The following HNRNPLL variants were observed in gnomAD, a reference collection of about 807,000 sequenced individuals.
HNRNPLL encodes heterogeneous nuclear ribonucleoprotein L-like.
A neutral mutation model predicts 67.1 loss-of-function variants in HNRNPLL; 25 were observed. That is an observed-to-expected ratio of 0.37 (90% CI 0.27 to 0.52). The LOEUF is 0.52. HNRNPLL is among the 20% of genes least tolerant of loss of function. HNRNPLL has a pLI of 0.90. For missense variants in HNRNPLL, 542 were observed against 673.9 expected (o/e 0.80, Z 2.17); for synonymous variants, 267 against 241.7 (o/e 1.10, Z -0.97).
intron 12 of HNRNPLL, among the ~76,000 whole-genome samples, chr2:38,565,655 G>T (rs190511405): frequency 6.8e-6 from 1 of 146,124 alleles, no homozygotes; most frequent in Non-Finnish European, 1.5e-5. Context: ...TTGAGCTCAG[G>T]AAAGTCGAGG....
chr2:38,573,143 T>C, intron 8 of HNRNPLL, 67 bp downstream of exon 8: 1 of 1,023,650 alleles, frequency 9.8e-7, no homozygotes, highest in Non-Finnish European at 1.5e-6. Flanking sequence ...AAGACACATA[T>C]TTGCAGCCTT....
At chr2:38,586,760 A>C (rs969981645) in intron 2 of HNRNPLL, among the ~76,000 whole-genome samples, 2 of 152,308 alleles carry the variant, frequency 1.3e-5, no homozygotes, top group Non-Finnish European at 1.5e-5. Flanking sequence ...AGAATACGGC[A>C]ATCAGGAGTG....
chr2:38,563,557 A>G lies in HNRNPLL; in HGVS notation c.*625T>C, dbSNP rs1665740032. 6.6e-6 allele frequency: 1 copy of G among 152,158 alleles called. No individual in the cohort carries two copies. Among genetic ancestry groups the G allele is most frequent in the Admixed American group, 6.5e-5 (1 of 15,282 alleles). The allele number at this position is 152,158 out of a possible 1,614,324, so 9.4% of individuals were successfully genotyped here. On this transcript the variant is annotated 3_prime_UTR_variant, in exon 13 of 13. Transcript: ENST00000449105. ...TCCAAACTGGACTAGAAACAGAGGC[A>G]TGTCAATACAAATGGACAGTGACTT...
chr2:38,585,919 CA>C, intron 2 of HNRNPLL, 38 bp from the exon 3 acceptor site: 1 of 1,195,982 alleles, frequency 8.4e-7, no homozygotes, highest in Non-Finnish European at 1.2e-6. Context: ...ACAAACACAG[CA>C]AGTTCCGTTA....
At chr2:38,583,778 A>C (rs1337194699) in intron 4 of HNRNPLL, 63 bp downstream of exon 4, 2 of 769,746 alleles carry the variant, frequency 2.6e-6, no homozygotes, top group African/African-American at 1.8e-5. Context: ...AGAAATGCTT[A>C]AGCCAGAAAA....
intron 6 of HNRNPLL, chr2:38,577,991 G>A: frequency 2.1e-6 from 1 of 470,964 alleles, no homozygotes. Flanking sequence ...TTCAGCATAA[G>A]CCAACAACAA....
intron 12 of HNRNPLL, among the ~76,000 whole-genome samples, chr2:38,564,761 ATTT>A (rs1358205466): frequency 6.6e-6 from 1 of 151,774 alleles, no homozygotes; most frequent in African/African-American, 2.4e-5. Context: ...CTGGCACTCA[ATTT>A]TTTTTAGTGA....
intron 2 of HNRNPLL, among the ~76,000 whole-genome samples, chr2:38,586,183 C>T (rs954167845): frequency 2.0e-5 from 3 of 152,076 alleles, no homozygotes; most frequent in African/African-American, 4.8e-5. Flanking sequence ...CACCAGGCCC[C>T]GCTGATTTTT....
intron 10 of HNRNPLL, 145 bp from the exon 11 acceptor site, chr2:38,568,588 G>C: frequency 3.4e-6 from 2 of 593,852 alleles, no homozygotes; most frequent in South Asian, 2.3e-5. Flanking sequence ...TTAATATCAA[G>C]CTGTATGAAA....
At chr2:38,596,534 A>G (rs1297526025) in intron 1 of HNRNPLL, among the ~76,000 whole-genome samples, 2 of 152,178 alleles carry the variant, frequency 1.3e-5, no homozygotes, top group Non-Finnish European at 2.9e-5. Flanking sequence ...TTGGGATTAC[A>G]GCTGTGAGCC....
chr2:38,583,798 C>T lies in HNRNPLL; in HGVS notation c.632+43G>A, dbSNP rs560704841. 156 of 892,634 alleles carry T rather than the reference C, an allele frequency of 1.7e-4. 1 individual carries two copies. The South Asian group carries it at 2.4e-3, about 14-fold the overall frequency. The allele number at this position is 892,634 out of a possible 1,614,324, so 55.3% of individuals were successfully genotyped here. On this transcript the variant is annotated intron_variant, in intron 4 of 12. Coordinates refer to ENST00000449105, the MANE Select transcript of HNRNPLL (RefSeq NM_138394.4). ...TGCTTAAGCCAGAAAAAATAAGATC[C>T]GTATGAATTACACATCAATAAAAAT...
chr2:38,567,803 T>C (rs957444721), intron 12 of HNRNPLL, among the ~76,000 whole-genome samples: 10 of 152,220 alleles, frequency 6.6e-5, no homozygotes, highest in African/African-American at 2.4e-4. Flanking sequence ...AAGGCCAATG[T>C]GGCTTGATTG....
intron 7 of HNRNPLL, among the ~76,000 whole-genome samples, chr2:38,576,794 A>C (rs1016798817): frequency 6.6e-5 from 10 of 151,934 alleles, no homozygotes; most frequent in African/African-American, 2.4e-4. Flanking sequence ...TAGAGTCAAT[A>C]ACTACCACTA....
rs530849482 is a variant in HNRNPLL, at chr2:38,562,326, G to T, written c.*1856C>A. ...TCCCAAACAATTCACTTATTTTGGTGGAGAGAGAGCCTTACAGATAAAAAT... is the reference window on the plus strand; with the variant it reads ...TCCCAAACAATTCACTTATTTTGGTTGAGAGAGAGCCTTACAGATAAAAAT... On this transcript the variant is annotated 3_prime_UTR_variant, in exon 13 of 13. Coordinates refer to ENST00000449105, the MANE Select transcript of HNRNPLL (RefSeq NM_138394.4). 6.6e-6 allele frequency: 1 copy of T among 152,208 alleles called. No individual in the cohort carries two copies. Among genetic ancestry groups the T allele is most frequent in the East Asian group, 1.9e-4 (1 of 5,188 alleles). The allele number at this position is 152,208 out of a possible 1,614,324, so 9.4% of individuals were successfully genotyped here.
chr2:38,587,284 A>T (rs151146311), intron 2 of HNRNPLL, among the ~76,000 whole-genome samples: 110 of 152,372 alleles, frequency 7.2e-4, no homozygotes, highest in African/African-American at 2.5e-3. Context: ...TGTCAAGATT[A>T]GAGTTACTAC....
intron 12 of HNRNPLL, among the ~76,000 whole-genome samples, chr2:38,565,078 A>G (rs1478420291): frequency 6.6e-6 from 1 of 152,032 alleles, no homozygotes; most frequent in East Asian, 1.9e-4. Context: ...AATTTTTCAG[A>G]CCAGGCAGAA....
At chr2:38,573,865 A>C (rs762662103) in intron 7 of HNRNPLL, among the ~76,000 whole-genome samples, 14 of 151,914 alleles carry the variant, frequency 9.2e-5, no homozygotes, top group Non-Finnish European at 1.6e-4. Context: ...TATAACAAAA[A>C]GAACCTCTTC....
intron 12 of HNRNPLL, chr2:38,566,076 A>T (rs1403357293): frequency 3.0e-6 from 3 of 987,912 alleles, no homozygotes; most frequent in African/African-American, 1.7e-5. Context: ...CACAGCAAAA[A>T]GTTTCAAAAA....
At chr2:38,587,607 A>C (rs1424078795) in intron 2 of HNRNPLL, among the ~76,000 whole-genome samples, 2 of 152,206 alleles carry the variant, frequency 1.3e-5, no homozygotes, top group East Asian at 3.8e-4. Flanking sequence ...AAAATAGAAA[A>C]TGCTGGTATC....
Sources: gnomAD v4.1 joint callset for allele counts (sites outside exome capture counted in the v4.1 genomes callset) on GRCh38, gnomAD v4.1.1 for gene constraint, MANE v1.5 for transcripts, NCBI Gene and HGNC (gene_info 2026-07-23, HGNC 2026-07-21) for gene names.